EPHA6: variants seen among roughly 807,000 people sequenced by gnomAD.
EPHA6 encodes ephrin type-A receptor 6.
Under a neutral mutation model 112.0 loss-of-function variants are expected in EPHA6, and 50 were observed. The ratio of observed to expected loss-of-function variants is 0.45; its 90% CI spans 0.36 to 0.56. The LOEUF (loss-of-function observed/expected upper bound fraction) is 0.56, where lower values mean the gene tolerates loss of function less well. Among genes scored for constraint, EPHA6 ranks in the 20% least tolerant of loss-of-function variants. The pLI, the probability that EPHA6 is intolerant of heterozygous loss-of-function variation, is 0.00. For missense variants in EPHA6, 1,280 were observed against 1,417.4 expected (o/e 0.90, Z 1.56); for synonymous variants, 529 against 490.7 (o/e 1.08, Z -1.03).
chr3:97,441,307 T>C (rs2090125693), intron 6 of EPHA6: 1 of 195,834 alleles, frequency 5.1e-6, no homozygotes, highest in African/African-American at 2.4e-5. Context: ...GCAAAGATAG[T>C]TCTGCCTAAG....
At chr3:97,627,895 T>G (rs1245296892) in intron 13 of EPHA6, among the ~76,000 whole-genome samples, 1 of 151,954 alleles carries the variant, frequency 6.6e-6, no homozygotes, top group Non-Finnish European at 1.5e-5. Context: ...ATGGGACATA[T>G]GCATCAATAT....
chr3:96,882,135 G>A (rs1249636320), intron 2 of EPHA6, among the ~76,000 whole-genome samples: 1 of 152,158 alleles, frequency 6.6e-6, no homozygotes, highest in Non-Finnish European at 1.5e-5. Context: ...CCATTAGGCA[G>A]TGCCCCTGTA....
rs1245108270 is a variant in EPHA6, at chr3:96,994,811, T to TAG, written c.1114+6835_1114+6836dup. Among the ~76,000 whole-genome samples the TAG allele has an allele frequency of 1.2e-3, 162 of 140,656 alleles. 1 individual carries two copies. The highest frequency in any genetic ancestry group is 2.1e-3 in the African/African-American group (77 of 36,778). The allele number at this position is 140,656 out of a possible 152,430, so 92.3% of individuals were successfully genotyped here. A position where few individuals can be genotyped will look rare whatever the true frequency, so the allele number is the denominator to read the frequency against. ...GAATATGTGTGTGTATATATATATA[T>TAG]AGAGAGAGAGAGAGAGAGCTATATA... On this transcript the variant is annotated intron_variant, in intron 3 of 17. Coordinates refer to ENST00000389672, the MANE Select transcript of EPHA6 (RefSeq NM_001080448.3).
intron 5 of EPHA6, among the ~76,000 whole-genome samples, chr3:97,357,499 A>G (rs186629076): frequency 2.0e-5 from 3 of 152,190 alleles, no homozygotes; most frequent in Admixed American, 1.3e-4. Flanking sequence ...ACTGTGCCCA[A>G]CTAGACAATG....
intron 3 of EPHA6, among the ~76,000 whole-genome samples, chr3:97,219,422 C>T (rs1460092274): frequency 4.6e-5 from 7 of 152,180 alleles, no homozygotes; most frequent in Admixed American, 1.3e-4. Context: ...CTGAAATCTA[C>T]GTAGAAGCTC....
At chr3:97,128,294 G>A (rs2048238620) in intron 3 of EPHA6, among the ~76,000 whole-genome samples, 1 of 152,172 alleles carries the variant, frequency 6.6e-6, no homozygotes, top group Admixed American at 6.5e-5. Context: ...GTTTGCACTT[G>A]TAAATTATGT....
At chr3:97,209,531 C>G (rs1202850890) in intron 3 of EPHA6, among the ~76,000 whole-genome samples, 1 of 152,098 alleles carries the variant, frequency 6.6e-6, no homozygotes, top group Non-Finnish European at 1.5e-5. Context: ...TATAAAACAT[C>G]AATTTGTACT....
chr3:97,212,255 A>G (rs992632468), intron 3 of EPHA6, among the ~76,000 whole-genome samples: 3 of 152,122 alleles, frequency 2.0e-5, no homozygotes, highest in African/African-American at 7.2e-5. Context: ...ATTTTTTAAA[A>G]CCAAATATGA....
At chr3:97,102,015 G>A (rs1393995879) in intron 3 of EPHA6, among the ~76,000 whole-genome samples, 4 of 151,994 alleles carry the variant, frequency 2.6e-5, no homozygotes, top group Admixed American at 6.6e-5. Context: ...CTCGATCAGT[G>A]AAACTTGCCA....
intron 6 of EPHA6, among the ~76,000 whole-genome samples, chr3:97,413,348 C>A (rs2087870160): frequency 6.6e-6 from 1 of 151,408 alleles, no homozygotes; most frequent in Non-Finnish European, 1.5e-5. Flanking sequence ...TGAGTTTTTT[C>A]CAAAGGGGGT....
In EPHA6 at chr3:97,275,832, G is replaced by A. The variant is rs551782360; in HGVS notation, c.1606+31545G>A. Among the ~76,000 whole-genome samples the A allele has an allele frequency of 8.7e-4, 132 of 152,094 alleles. 1 individual carries two copies. The highest frequency in any genetic ancestry group is 3.4e-3 in the Middle Eastern group (1 of 294). On this transcript the variant is annotated intron_variant, in intron 5 of 17. Transcript: ENST00000389672. ...GTATCCCATACTGGTGGGTTAAGGT[G>A]GGGGGATATGACAGGAGGATGCAAA...
chr3:97,237,068 CA>C (rs1336579532), intron 4 of EPHA6, among the ~76,000 whole-genome samples: 1 of 151,822 alleles, frequency 6.6e-6, no homozygotes, highest in Non-Finnish European at 1.5e-5. Flanking sequence ...AACTGAAATT[CA>C]AAAGGACAGC....
At chr3:97,083,710 A>C (rs959280828) in intron 3 of EPHA6, among the ~76,000 whole-genome samples, 2 of 151,936 alleles carry the variant, frequency 1.3e-5, no homozygotes, top group African/African-American at 4.8e-5. Flanking sequence ...TTAAAATATA[A>C]ATTTCCAGCA....
chr3:97,553,241 G>A (rs939527354), intron 11 of EPHA6, among the ~76,000 whole-genome samples: 1 of 151,846 alleles, frequency 6.6e-6, no homozygotes, highest in South Asian at 2.1e-4. Context: ...CAATGCCCCA[G>A]ACCAGCTTTG....
intron 7 of EPHA6, among the ~76,000 whole-genome samples, chr3:97,473,258 T>A (rs2091278566): frequency 6.6e-6 from 1 of 151,756 alleles, no homozygotes; most frequent in African/African-American, 2.4e-5. Flanking sequence ...TGTTTACAGT[T>A]CCTAAGTTTA....
chr3:97,556,414 T>G (rs1257464830), intron 11 of EPHA6, among the ~76,000 whole-genome samples: 1 of 151,434 alleles, frequency 6.6e-6, no homozygotes, highest in Non-Finnish European at 1.5e-5. Context: ...GGCTGGGGGG[T>G]CCTCAGGAAA....
chr3:97,571,626 A>C (rs1016618427), intron 11 of EPHA6, among the ~76,000 whole-genome samples: 1 of 151,506 alleles, frequency 6.6e-6, no homozygotes, highest in African/African-American at 2.4e-5. Flanking sequence ...CATAAATCTT[A>C]TTTCCCTAAG....
intron 12 of EPHA6, among the ~76,000 whole-genome samples, chr3:97,608,884 G>A (rs968593564): frequency 1.3e-5 from 2 of 151,252 alleles, no homozygotes; most frequent in Non-Finnish European, 3.0e-5. Flanking sequence ...TAAAGGTTAA[G>A]ATCTCAAACT....
At position 96,932,106 on chromosome 3, in the gene EPHA6, TG is replaced by T. The variant is rs754386011; in HGVS notation, c.451-55219del. 1.7e-4 allele frequency among the ~76,000 whole-genome samples: 26 copies of T among 152,034 alleles called. No individual in the cohort carries two copies. The East Asian group carries it at 3.5e-3, about 20-fold the overall frequency. ...ATTCACTGCCTCCCTTGGTTGGGGGTGGGGGTTCCTTGGCTGTATTCCAGGG... is the reference window on the plus strand; with the variant it reads ...ATTCACTGCCTCCCTTGGTTGGGGGTGGGGTTCCTTGGCTGTATTCCAGGG... On this transcript the variant is annotated intron_variant, in intron 2 of 17. Coordinates refer to ENST00000389672, the MANE Select transcript of EPHA6 (RefSeq NM_001080448.3).
Sources: allele counts gnomAD v4.1 joint callset (sites outside exome capture counted in the v4.1 genomes callset), GRCh38; gene constraint gnomAD v4.1.1; transcripts MANE v1.5; gene names NCBI Gene and HGNC (gene_info 2026-07-23, HGNC 2026-07-21).